Variants in BPI observed in about 807,000 individuals in gnomAD.
BPI encodes bactericidal permeability-increasing protein.
BPI carries 48 observed loss-of-function variants against 57.6 expected under a neutral mutation model. The observed-to-expected ratio is 0.83, with a 90% CI of 0.66 to 1.06. BPI has a LOEUF of 1.06. Among genes scored for constraint, BPI ranks in the 50% least tolerant of loss-of-function variants. The pLI is 0.00. For synonymous variants in BPI, 237 were observed against 238.2 expected (o/e 0.99, Z 0.05); for missense variants, 651 against 609.7 (o/e 1.07, Z -0.71).
intron 9 of BPI, among the ~76,000 whole-genome samples, chr20:38,325,846 G>C (rs547107545): frequency 1.1e-4 from 16 of 152,124 alleles, no homozygotes; most frequent in Non-Finnish European, 1.6e-4. Context: ...CAGAGACTAA[G>C]AGAAAGGGGA....
intron 2 of BPI, 35 bp from the exon 3 acceptor site, chr20:38,308,895 T>G: frequency 6.2e-7 from 1 of 1,613,282 alleles, no homozygotes; most frequent in Non-Finnish European, 8.5e-7. Context: ...TAGGAGTATA[T>G]GAAATTATAT....
intron 13 of BPI, 66 bp from the exon 14 acceptor site, chr20:38,335,532 G>C: frequency 6.9e-7 from 1 of 1,458,504 alleles, no homozygotes. Context: ...AGGCTCTCTG[G>C]CCCTCCCTCC....
intron 5 of BPI, among the ~76,000 whole-genome samples, chr20:38,314,379 GTGATGGTGAGATTGA>G (rs2076639437): frequency 7.1e-6 from 1 of 141,056 alleles, no homozygotes; most frequent in Middle Eastern, 4.3e-3. Flanking sequence ...GATGATGGTG[GTGATGGTGAGATTGA>G]TGATGGTGAT....
chr20:38,307,778 CAG>C (rs2076603946), intron 2 of BPI, 97 bp downstream of exon 2: 6 of 1,012,526 alleles, frequency 5.9e-6, no homozygotes, highest in Non-Finnish European at 8.8e-6. Context: ...CCTCAACTCA[CAG>C]AGTTTCATAT....
At chr20:38,336,004 T>G (rs1047951044) in intron 14 of BPI, among the ~76,000 whole-genome samples, 5 of 152,210 alleles carry the variant, frequency 3.3e-5, no homozygotes, top group Non-Finnish European at 7.3e-5. Context: ...GAATATATGT[T>G]GCACACCTTT....
At chr20:38,313,364 C>T (rs1277003741) in intron 5 of BPI, among the ~76,000 whole-genome samples, 7 of 120,366 alleles carry the variant, frequency 5.8e-5, no homozygotes, top group South Asian at 2.6e-4. Context: ...GCCTGGGCAA[C>T]GAGAGTGAAA....
intron 4 of BPI, among the ~76,000 whole-genome samples, chr20:38,311,588 G>A (rs1367134066): frequency 6.6e-6 from 1 of 152,210 alleles, no homozygotes; most frequent in Non-Finnish European, 1.5e-5. Context: ...ACAGGAGAGA[G>A]GACATGGCAG....
intron 11 of BPI, among the ~76,000 whole-genome samples, chr20:38,329,211 A>T (rs1245115231): frequency 3.3e-5 from 5 of 151,994 alleles, no homozygotes; most frequent in Non-Finnish European, 5.9e-5. Context: ...AAACAGAGGG[A>T]GGGAGTCGGG....
At chr20:38,310,706 C>G in intron 4 of BPI, 54 bp downstream of exon 4, 1 of 1,578,858 alleles carries the variant, frequency 6.3e-7, no homozygotes, top group South Asian at 1.2e-5. Context: ...AGAACTCTCC[C>G]AATCATCCCT....
chr20:38,312,183 A>G (rs1352928942), intron 5 of BPI, among the ~76,000 whole-genome samples: 1 of 151,396 alleles, frequency 6.6e-6, no homozygotes, highest in African/African-American at 2.4e-5. Flanking sequence ...AGCTTGGGCC[A>G]CCTCTGCTTT....
intron 1 of BPI, among the ~76,000 whole-genome samples, chr20:38,305,276 G>A (rs921050550): frequency 7.2e-5 from 11 of 152,144 alleles, no homozygotes; most frequent in Non-Finnish European, 1.5e-4. Context: ...AGAAGAGCTA[G>A]GGGGAAGGAG....
intron 13 of BPI, 74 bp from the exon 14 acceptor site, chr20:38,335,524 G>A: frequency 1.4e-6 from 2 of 1,379,828 alleles, no homozygotes; most frequent in Admixed American, 1.7e-5. Context: ...GTCTACCCAG[G>A]CTCTCTGGCC....
intron 3 of BPI, 134 bp downstream of exon 3, chr20:38,309,192 A>G (rs1448344340): frequency 7.8e-7 from 1 of 1,290,018 alleles, no homozygotes; most frequent in African/African-American, 1.5e-5. Context: ...TCCTCAGGAA[A>G]TTCTTCACAT....
At chr20:38,326,853 T>C (rs1257915148) in intron 10 of BPI, among the ~76,000 whole-genome samples, 1 of 152,264 alleles carries the variant, frequency 6.6e-6, no homozygotes, top group Admixed American at 6.5e-5. Context: ...TGATTCCCAC[T>C]TGCACTCATT....
chr20:38,308,616 C>T (rs999289798), intron 2 of BPI, among the ~76,000 whole-genome samples: 7 of 152,150 alleles, frequency 4.6e-5, no homozygotes, highest in African/African-American at 1.7e-4. Context: ...TGCCACACAC[C>T]CTGCAAAATA....
intron 3 of BPI, among the ~76,000 whole-genome samples, chr20:38,309,747 C>A (rs2076613410): frequency 1.3e-5 from 2 of 152,180 alleles, no homozygotes; most frequent in Non-Finnish European, 2.9e-5. Flanking sequence ...AACTCCAAAT[C>A]TAAGTCCTGG....
rs745392616 is a variant in BPI, at chr20:38,308,941, G to A, written c.257G>A (p.Arg86His). The A allele has an allele frequency of 1.9e-5, 30 of 1,614,048 alleles. No homozygotes were observed. Among genetic ancestry groups the A allele is most frequent in the African/African-American group, 2.7e-5 (2 of 74,932 alleles). The change falls in exon 3 of 15, where the codon CGT becomes CAT. Residue 86 changes from arginine (R) to histidine (H), a missense_variant. Arg to His is a conservative substitution (Grantham distance 29, BLOSUM62 0). Transcript: ENST00000642449. ...GHYSFYSMDI[R>H]EFQLPSSQIS... is the part of the protein sequence containing the mutation. ...TTTCTCCTTTGCAGCATGGACATCC[G>A]TGAATTCCAGCTTCCCAGTTCCCAG...
rs555516147 is a variant in BPI, at chr20:38,335,496, T to C, written c.1337-102T>C. 3.1e-5 allele frequency: 33 copies of C among 1,064,268 alleles called. No individual in the cohort carries two copies. The Admixed American group carries it at 3.5e-4, about 11-fold the overall frequency. 65.9% of individuals were successfully genotyped at this position (1,064,268 alleles called of 1,614,324 possible). ...GCCAGTCCCTACCTAGGGCCAGGCA[T>C]GCTGGTTCAGGGAGGCTGTCTACCC... On this transcript the variant is annotated intron_variant, in intron 13 of 14. Coordinates refer to ENST00000642449, the MANE Select transcript of BPI (RefSeq NM_001725.3).
At chr20:38,323,842 G>A (rs1215980490) in intron 7 of BPI, 28 bp from the exon 8 acceptor site, 9 of 1,605,380 alleles carry the variant, frequency 5.6e-6, no homozygotes, top group Non-Finnish European at 6.8e-6. Flanking sequence ...AAGAATATCT[G>A]GGCTCACTCT....
Sources: allele counts gnomAD v4.1 joint callset (sites outside exome capture counted in the v4.1 genomes callset), GRCh38; gene constraint gnomAD v4.1.1; transcripts MANE v1.5; gene names NCBI Gene and HGNC (gene_info 2026-07-23, HGNC 2026-07-21).